Variants in ARHGAP21 observed in about 807,000 individuals in gnomAD.
ARHGAP21 encodes the protein rho GTPase-activating protein 21.
ARHGAP21 carries 38 observed loss-of-function variants against 164.6 expected under a neutral mutation model. That is an observed-to-expected ratio of 0.23 (90% CI 0.18 to 0.30). The LOEUF is 0.30. ARHGAP21 is among the 10% of genes least tolerant of loss of function. ARHGAP21 has a pLI of 1.00. For synonymous variants in ARHGAP21, 766 were observed against 857.9 expected, an observed-to-expected ratio of 0.89 and a Z score of 1.87; for missense variants, 1,822 against 2,370.7, an observed-to-expected ratio of 0.77 and a Z score of 4.81.
rs1350082737 is a variant in ARHGAP21, at chr10:24,620,307, C to G, written c.1588G>C (p.Gly530Arg). ...GEKKQTYKWS[G>R]FTEQDDRRGI... ...CGTCTATCATCCTGTTCAGTAAACC[C>G]ACTCCACTTGTAAGTCTGTTTTTTC... The change falls in exon 9 of 26, where the codon GGG becomes CGG. Residue 530 changes from glycine (G) to arginine (R), a missense_variant. This residue lies in a region of ARHGAP21 where 1,090 missense variants were observed against 1,378.9 expected (regional missense o/e 0.79). Coordinates refer to ENST00000396432, the MANE Select transcript of ARHGAP21 (RefSeq NM_020824.4). 15 of 1,613,850 alleles carry G rather than the reference C, an allele frequency of 9.3e-6. No individual in the cohort carries two copies. Among genetic ancestry groups the G allele is most frequent in the Non-Finnish European group, 1.3e-5 (15 of 1,179,868 alleles).
At chr10:24,721,338 A>C (rs1845908631) in intron 2 of ARHGAP21, among the ~76,000 whole-genome samples, 1 of 152,222 alleles carries the variant, frequency 6.6e-6, no homozygotes, top group Non-Finnish European at 1.5e-5. Flanking sequence ...TTCTACCTAA[A>C]GCAGAGATCT....
intron 6 of ARHGAP21, among the ~76,000 whole-genome samples, chr10:24,631,238 C>T (rs1357548663): frequency 6.6e-6 from 1 of 152,138 alleles, no homozygotes; most frequent in Non-Finnish European, 1.5e-5. Flanking sequence ...GTGGCAGGTG[C>T]CTGTAATCCC....
intron 4 of ARHGAP21, among the ~76,000 whole-genome samples, chr10:24,635,946 TACAA>T (rs1836341452): frequency 6.6e-6 from 1 of 152,126 alleles, no homozygotes; most frequent in Non-Finnish European, 1.5e-5. Context: ...GAGAAAGACA[TACAA>T]ACAAATAACA....
At position 24,585,644 on chromosome 10, in the gene ARHGAP21, A is replaced by C. The variant is rs199575733; in HGVS notation, c.4645T>G (p.Leu1549Val). 1.2e-6 allele frequency: 2 copies of C among 1,613,994 alleles called. No homozygotes were observed. Among genetic ancestry groups the C allele is most frequent in the Non-Finnish European group, 1.7e-6 (2 of 1,180,024 alleles). The change falls in exon 26 of 26, where the codon TTG (leucine) becomes GTG (valine). Residue 1549 changes from leucine (L) to valine (V), a missense_variant. Physicochemically the swap from Leu to Val is conservative, Grantham distance 32 (BLOSUM62 1). Transcript: ENST00000396432. ...GAGGCCTGGGAAGACGTGCTGAGCA[A>C]AGTGCCAGAGTCAGAGCCTGTCTCT... ...LEETGSDSGT[L>V]LSTSSQASLA... is the part of the protein sequence containing the mutation.
intron 25 of ARHGAP21, among the ~76,000 whole-genome samples, 198 bp downstream of exon 25, chr10:24,589,073 T>C (rs1226933421): frequency 6.6e-6 from 1 of 152,204 alleles, no homozygotes; most frequent in Non-Finnish European, 1.5e-5. Flanking sequence ...GAGAAGAATA[T>C]GAACTTTTGA....
At chr10:24,642,979 G>A (rs1310208420) in intron 4 of ARHGAP21, among the ~76,000 whole-genome samples, 1 of 152,098 alleles carries the variant, frequency 6.6e-6, no homozygotes, top group Non-Finnish European at 1.5e-5. Flanking sequence ...GTTGTTTCAG[G>A]GACAAAGCAA....
intron 14 of ARHGAP21, among the ~76,000 whole-genome samples, 192 bp downstream of exon 14, chr10:24,600,454 G>C (rs7915768): frequency 0.24 from 37,007 of 152,134 alleles, 5,328 homozygotes; most frequent in East Asian, 0.31. Context: ...TTCTAGTTCA[G>C]TGATGGTGAT....
chr10:24,590,586 T>C (rs1266898814), intron 24 of ARHGAP21: 16 of 1,440,410 alleles, frequency 1.1e-5, no homozygotes, highest in Non-Finnish European at 1.5e-5. Context: ...TAAAACAACA[T>C]GCTAGATTAG....
At chr10:24,634,189 T>A (rs1168054069) in intron 5 of ARHGAP21, among the ~76,000 whole-genome samples, 2 of 151,958 alleles carry the variant, frequency 1.3e-5, no homozygotes, top group African/African-American at 4.8e-5. Context: ...CATACTAATA[T>A]ACATATTATA....
intron 4 of ARHGAP21, among the ~76,000 whole-genome samples, chr10:24,651,314 C>T (rs1838139108): frequency 6.6e-6 from 1 of 152,196 alleles, no homozygotes; most frequent in Non-Finnish European, 1.5e-5. Flanking sequence ...ATCTGTGCTG[C>T]AGGCTGGGGC....
chr10:24,654,967 A>G (rs1379021089), intron 4 of ARHGAP21, among the ~76,000 whole-genome samples: 1 of 152,208 alleles, frequency 6.6e-6, no homozygotes, highest in African/African-American at 2.4e-5. Context: ...ATAACACCAC[A>G]TATCTACAAC....
chr10:24,625,565 G>A (rs1033795472), intron 7 of ARHGAP21, among the ~76,000 whole-genome samples: 17 of 151,956 alleles, frequency 1.1e-4, no homozygotes, highest in African/African-American at 3.9e-4. Flanking sequence ...TACTATTCTT[G>A]TAATTATTTA....
At chr10:24,645,583 C>G (rs1837481266) in intron 4 of ARHGAP21, among the ~76,000 whole-genome samples, 1 of 114,892 alleles carries the variant, frequency 8.7e-6, no homozygotes, top group African/African-American at 3.9e-5. Context: ...GGCTCTGTCT[C>G]AGAAAAAAAA....
At chr10:24,617,524 C>T (rs1007083835) in intron 9 of ARHGAP21, among the ~76,000 whole-genome samples, 5 of 152,030 alleles carry the variant, frequency 3.3e-5, no homozygotes, top group South Asian at 4.1e-4. Context: ...ATTTGCTGAG[C>T]TTGGCCTTAG....
At chr10:24,593,917 A>G (rs1220102479) in intron 21 of ARHGAP21, among the ~76,000 whole-genome samples, 1 of 151,306 alleles carries the variant, frequency 6.6e-6, no homozygotes, top group East Asian at 1.9e-4. Context: ...ATCAATCACT[A>G]TGGAGGAAAT....
At chr10:24,697,757 G>C (rs1843296717) in intron 2 of ARHGAP21, among the ~76,000 whole-genome samples, 2 of 152,236 alleles carry the variant, frequency 1.3e-5, no homozygotes, top group Middle Eastern at 3.4e-3. Context: ...CTACTAGGGA[G>C]GCTGAGGCAG....
chr10:24,623,125 C>T (rs963613476), intron 7 of ARHGAP21, among the ~76,000 whole-genome samples: 1 of 152,206 alleles, frequency 6.6e-6, no homozygotes, highest in Non-Finnish European at 1.5e-5. Flanking sequence ...CCCCCAGCTT[C>T]TTCCATCTCT....
At position 24,670,410 on chromosome 10, in the gene ARHGAP21, G is replaced by A. The variant is rs189970237; in HGVS notation, c.64-13C>T. On this transcript the variant is annotated splice_polypyrimidine_tract_variant and intron_variant, in intron 2 of 25. Transcript: ENST00000396432. ...TATTTTTTGAGACCTAAAGTGAAAA[G>A]ATATTTAAAAGTTAACTACATAACA... 9.6e-6 allele frequency: 15 copies of A among 1,563,608 alleles called. No individual in the cohort carries two copies. In the Middle Eastern group the frequency reaches 7.1e-4, roughly 74 times the overall value.
At chr10:24,612,733 T>C (rs904657758) in intron 9 of ARHGAP21, among the ~76,000 whole-genome samples, 5 of 152,142 alleles carry the variant, frequency 3.3e-5, no homozygotes, top group African/African-American at 1.2e-4. Flanking sequence ...CGGACGCCTA[T>C]AGTCCCAGCT....
Sources: gnomAD v4.1 joint callset for allele counts (sites outside exome capture counted in the v4.1 genomes callset) on GRCh38, gnomAD v4.1.1 for gene constraint, gnomAD v4.1.1 regional missense constraint, MANE v1.5 for transcripts, NCBI Gene and HGNC (gene_info 2026-07-23, HGNC 2026-07-21) for gene names.